SURF1: variants seen among roughly 807,000 people sequenced by gnomAD.
SURF1 encodes surfeit locus protein 1.
SURF1 carries 45 observed loss-of-function variants against 34.1 expected under a neutral mutation model. That is an observed-to-expected ratio of 1.32 (90% CI 1.04 to 1.69). The LOEUF is 1.69. SURF1 is among the 40% of genes most tolerant of loss of function. SURF1 has a pLI of 0.00. For synonymous variants in SURF1, 188 were observed against 147.5 expected (o/e 1.27, Z -1.99); for missense variants, 456 against 384.6 (o/e 1.19, Z -1.55).
chr9:133,353,755 T>C lies in SURF1; in HGVS notation c.509A>G (p.Asp170Gly). The C allele has an allele frequency of 6.2e-7, 1 of 1,613,754 alleles. No individual in the cohort carries two copies. The highest frequency in any genetic ancestry group is 1.1e-5 in the South Asian group (1 of 91,082). Residue 170 changes from aspartate (D) to glycine (G), a missense_variant, in exon 5 of 9, where the codon GAC (aspartate) becomes GGC (glycine). Coordinates refer to ENST00000371974, the MANE Select transcript of SURF1 (RefSeq NM_003172.4). ...TCCCACATGTCCTACTCACCCCAGG[T>C]CGGTGCAGTGGAAGGGAGTGACCAC... The part of the protein sequence containing the change: ...AYVVTPFHCT[D>G]LGVTILVNRG...
chr9:133,353,273 G>A (rs189696048), intron 5 of SURF1, among the ~76,000 whole-genome samples: 32 of 152,290 alleles, frequency 2.1e-4, no homozygotes, highest in Admixed American at 2.0e-3. Context: ...GAATCCTCCA[G>A]TTCCCTAGTT....
chr9:133,353,773 G>C lies in SURF1; in HGVS notation c.491C>G (p.Thr164Ser), dbSNP rs2130014379. 5.6e-6 allele frequency: 9 copies of C among 1,613,872 alleles called. No individual in the cohort carries two copies. Among genetic ancestry groups the C allele is most frequent in the Non-Finnish European group, 6.8e-6 (8 of 1,180,040 alleles). ...SSTQSGAYVVTPFHCTDLGVT... is the reference protein window; with the variant it reads ...SSTQSGAYVVSPFHCTDLGVT... ...CCCCAGGTCGGTGCAGTGGAAGGGA[G>C]TGACCACATAGGCCCCACTCTGAGT... Residue 164 changes from threonine (T) to serine (S), a missense_variant, in exon 5 of 9, where the codon ACT (threonine) becomes AGT (serine). Transcript: ENST00000371974.
chr9:133,354,047 G>C lies in SURF1; in HGVS notation c.324-107C>G, dbSNP rs1443112796. 1.2e-5 allele frequency: 16 copies of C among 1,280,568 alleles called. No homozygotes were observed. The East Asian group carries it at 3.0e-4, about 24-fold the overall frequency. 79.3% of individuals were successfully genotyped at this position (1,280,568 alleles called of 1,614,324 possible). A position where few individuals can be genotyped will look rare whatever the true frequency, so the allele number is the denominator to read the frequency against. On this transcript the variant is annotated intron_variant, in intron 4 of 8. Transcript: ENST00000371974. ...CAGGGCCAGACAAGTGAAGGAGAAA[G>C]GCAAAGGGCGTGCTCTTCAAAGGGG...
chr9:133,353,824 C>T lies in SURF1; in HGVS notation c.440G>A (p.Arg147Gln), dbSNP rs2130014801. The change falls in exon 5 of 9, where the codon CGG (arginine) becomes CAG (glutamine). Residue 147 changes from arginine (R) to glutamine (Q), a missense_variant. By Grantham distance (43) the Arg-to-Gln change is conservative. Coordinates refer to ENST00000371974, the MANE Select transcript of SURF1 (RefSeq NM_003172.4). The stretch of plus-strand genomic sequence containing the variant: ...TGAGGAGGAGATGAGGCCGCCCTCC[C>T]GGGCCTCCCGGACAGGGTCCACCAT... Reference protein sequence around the residue: ...RTMVDPVREAREGGLISSSTQ... With the variant: ...RTMVDPVREAQEGGLISSSTQ... The T allele has an allele frequency of 5.6e-6, 9 of 1,613,686 alleles. No individual in the cohort carries two copies. The highest frequency in any genetic ancestry group is 4.5e-5 in the East Asian group (2 of 44,894).
rs2130002284 is a variant in SURF1 at position 133,351,894 on chromosome 9, G to C, written c.*19C>G. The stretch of plus-strand genomic sequence containing the variant: ...GAAATACTGCATTATCCAGGGACAG[G>C]GCTTCAGCAGCTGATCTGTCACACA... On this transcript the variant is annotated 3_prime_UTR_variant, in exon 9 of 9. Coordinates refer to ENST00000371974, the MANE Select transcript of SURF1 (RefSeq NM_003172.4). 2.5e-5 allele frequency: 40 copies of C among 1,611,772 alleles called. No homozygotes were observed. The South Asian group carries it at 4.4e-4, about 18-fold the overall frequency.
At position 133,353,907 on chromosome 9, in the gene SURF1, T is replaced by C. The variant is rs1373431958; in HGVS notation, c.357A>G (p.Pro119=). Reference sequence around the variant, plus strand: ...GGTCAAAGCACCCCCTGACCTTCACTGGCCTATACTCCAGATTTTTCAGTT... The same window carrying C: ...GGTCAAAGCACCCCCTGACCTTCACCGGCCTATACTCCAGATTTTTCAGTT... The part of the protein sequence containing the change: ...PMELKNLEYR[P]VKVRGCFDHS... The change falls in exon 5 of 9, where the codon CCA becomes CCG. Residue 119 remains proline (P), a synonymous_variant. Transcript: ENST00000371974. The C allele has an allele frequency of 1.9e-6, 3 of 1,613,790 alleles. No individual in the cohort carries two copies. The highest frequency in any genetic ancestry group is 2.5e-6 in the Non-Finnish European group (3 of 1,180,046).
In SURF1 at chr9:133,351,879, A is replaced by G. The variant is rs2130002177; in HGVS notation, c.*34T>C. 7 of 1,605,552 alleles carry G rather than the reference A, an allele frequency of 4.4e-6. No individual in the cohort carries two copies. Among genetic ancestry groups the G allele is most frequent in the Non-Finnish European group, 6.0e-6 (7 of 1,174,640 alleles). On this transcript the variant is annotated 3_prime_UTR_variant, in exon 9 of 9. Coordinates refer to ENST00000371974, the MANE Select transcript of SURF1 (RefSeq NM_003172.4). Reference sequence around the variant, plus strand: ...CATAAAGGCAGTCTTGAAATACTGCATTATCCAGGGACAGGGCTTCAGCAG... The same window carrying G: ...CATAAAGGCAGTCTTGAAATACTGCGTTATCCAGGGACAGGGCTTCAGCAG...
In SURF1 at chr9:133,354,704, T is replaced by G. The variant is rs2130017994; in HGVS notation, c.278A>C (p.Glu93Ala). 1.2e-6 allele frequency: 2 copies of G among 1,613,514 alleles called. No individual in the cohort carries two copies. The highest frequency in any genetic ancestry group is 2.2e-5 in the South Asian group (2 of 91,078). ...CTCAGCCAGAACTCTGGACTCCAAC[T>G]CTGCAATCAGGTTCAGCTTCCACTT... ...RRKWKLNLIA[E>A]LESRVLAEPV... Residue 93 changes from glutamate to alanine, a missense_variant, in exon 4 of 9, where the codon GAG (glutamate) becomes GCG (alanine). By Grantham distance (107) the Glu-to-Ala change is moderately radical (BLOSUM62 -1). Coordinates refer to ENST00000371974, the MANE Select transcript of SURF1 (RefSeq NM_003172.4).
chr9:133,355,384 G>T (rs1436585406), intron 2 of SURF1, among the ~76,000 whole-genome samples: 1 of 152,182 alleles, frequency 6.6e-6, no homozygotes, highest in Non-Finnish European at 1.5e-5. Context: ...TTCGAGACCA[G>T]CCTGACCAAC....
At chr9:133,352,328 C>A in intron 7 of SURF1, 118 bp downstream of exon 7, 2 of 1,551,136 alleles carry the variant, frequency 1.3e-6, no homozygotes, top group Non-Finnish European at 1.8e-6. Context: ...CCTCCTCCCA[C>A]CCGCCATATA....
At chr9:133,355,090 C>T in intron 2 of SURF1, 133 bp from the exon 3 acceptor site, 1 of 1,182,966 alleles carries the variant, frequency 8.5e-7, no homozygotes, top group Non-Finnish European at 1.2e-6. Context: ...CACCTGTATC[C>T]AGCCCAGCTC....
chr9:133,354,635 C>T (rs1313407410), intron 4 of SURF1, 24 bp downstream of exon 4: 5 of 1,611,730 alleles, frequency 3.1e-6, no homozygotes, highest in Middle Eastern at 2.0e-4. Context: ...AAAACAGGCC[C>T]TAGGGGGGCA....
rs1437811937 is a variant in SURF1 at position 133,356,467 on chromosome 9, G to A, written c.-14C>T. ...CACCGCCGCCATCGCACCCGGCCCC[G>A]CGGGCGCTTCCGGGACGCAGGAAGC... is the stretch of plus-strand genomic sequence containing the variant. On this transcript the variant is annotated 5_prime_UTR_variant, in exon 1 of 9. Coordinates refer to ENST00000371974, the MANE Select transcript of SURF1 (RefSeq NM_003172.4). The A allele has an allele frequency of 1.4e-6, 2 of 1,423,952 alleles. No individual in the cohort carries two copies. Among genetic ancestry groups the A allele is most frequent in the Non-Finnish European group, 9.2e-7 (1 of 1,091,158 alleles). The allele number at this position is 1,423,952 out of a possible 1,614,324, so 88.2% of individuals were successfully genotyped here.
chr9:133,352,846 A>C, intron 5 of SURF1, 80 bp from the exon 6 acceptor site: 1 of 1,427,706 alleles, frequency 7.0e-7, no homozygotes, highest in Non-Finnish European at 9.6e-7. Context: ...AGGCACCCAT[A>C]GGAACAACTA....
chr9:133,356,366 G>GGC, intron 1 of SURF1, 34 bp downstream of exon 1: 2 of 1,343,376 alleles, frequency 1.5e-6, no homozygotes, highest in Non-Finnish European at 1.9e-6. Flanking sequence ...CCCTCCCCGC[G>GGC]CCCCGCACCC....
At chr9:133,352,356 G>C in intron 7 of SURF1, 90 bp downstream of exon 7, 3 of 1,598,476 alleles carry the variant, frequency 1.9e-6, no homozygotes, top group Admixed American at 1.7e-5. Context: ...GAGAACATAA[G>C]CCACAGTAGT....
rs2130027254 is a variant in SURF1 at position 133,356,475 on chromosome 9, T to C, written c.-22A>G. 8.1e-5 allele frequency: 115 copies of C among 1,427,790 alleles called. No individual in the cohort carries two copies. The Admixed American group carries it at 8.6e-4, about 11-fold the overall frequency. The allele number at this position is 1,427,790 out of a possible 1,614,324, so 88.4% of individuals were successfully genotyped here. On this transcript the variant is annotated 5_prime_UTR_variant, in exon 1 of 9. Coordinates refer to ENST00000371974, the MANE Select transcript of SURF1 (RefSeq NM_003172.4). ...CCATCGCACCCGGCCCCGCGGGCGC[T>C]TCCGGGACGCAGGAAGCATCTGCAT... is the stretch of plus-strand genomic sequence containing the variant.
At chr9:133,354,403 T>C (rs2130017046) in intron 4 of SURF1, 41 of 564,056 alleles carry the variant, frequency 7.3e-5, no homozygotes, top group African/African-American at 5.1e-4. Context: ...AAGTTTACTA[T>C]ACCTGAAAAA....
rs1836417689 is a variant in SURF1, at chr9:133,351,842, C to A, written c.*71G>T. On this transcript the variant is annotated 3_prime_UTR_variant, in exon 9 of 9. Coordinates refer to ENST00000371974, the MANE Select transcript of SURF1 (RefSeq NM_003172.4). Reference sequence around the variant, plus strand: ...GAAGGCCAGAACTTTATACCAGTAGCACATGATCCAGCATAAAGGCAGTCT... The same window carrying A: ...GAAGGCCAGAACTTTATACCAGTAGAACATGATCCAGCATAAAGGCAGTCT... 1 of 1,502,564 alleles carries A rather than the reference C, an allele frequency of 6.7e-7. No individual in the cohort carries two copies. The highest frequency in any genetic ancestry group is 9.2e-7 in the Non-Finnish European group (1 of 1,092,624). The allele number at this position is 1,502,564 out of a possible 1,614,324, so 93.1% of individuals were successfully genotyped here. A position where few individuals can be genotyped will look rare whatever the true frequency, so the allele number is the denominator to read the frequency against.
Sources: gnomAD v4.1 joint callset for allele counts (sites outside exome capture counted in the v4.1 genomes callset) on GRCh38, gnomAD v4.1.1 for gene constraint, MANE v1.5 for transcripts, NCBI Gene and HGNC (gene_info 2026-07-23, HGNC 2026-07-21) for gene names.